Variants in NSUN3 observed in about 807,000 individuals in gnomAD.
NSUN3 encodes NOP2/Sun RNA methyltransferase 3, also known as tRNA (cytosine(34)-C(5))-methyltransferase, mitochondrial.
In NSUN3, 24 loss-of-function variants were observed where a neutral mutation model predicts 36.8. The ratio of observed to expected loss-of-function variants is 0.65; its 90% CI spans 0.47 to 0.92. The LOEUF (loss-of-function observed/expected upper bound fraction) is 0.92. NSUN3 is among the 40% of genes least tolerant of loss of function. NSUN3 has a pLI of 0.00. For missense variants in NSUN3, 381 were observed against 392.8 expected (o/e 0.97, Z 0.25); for synonymous variants, 146 against 145.2 (o/e 1.01, Z -0.04).
intron 5 of NSUN3, among the ~76,000 whole-genome samples, chr3:94,101,283 T>G (rs1004190778): frequency 1.3e-5 from 2 of 152,174 alleles, no homozygotes; most frequent in Non-Finnish European, 2.9e-5. Flanking sequence ...CGAGCCACTG[T>G]GCCCAGCACT....
intron 5 of NSUN3, 75 bp downstream of exon 5, chr3:94,095,229 C>T (rs751914831): frequency 2.8e-6 from 4 of 1,448,630 alleles, no homozygotes; most frequent in Non-Finnish European, 2.9e-6. Context: ...CATGTCAGGC[C>T]CCCAGTGGAG....
intron 5 of NSUN3, among the ~76,000 whole-genome samples, chr3:94,105,381 C>T (rs1032267488): frequency 6.6e-6 from 1 of 152,176 alleles, no homozygotes; most frequent in African/African-American, 2.4e-5. Flanking sequence ...CTGCCACTCA[C>T]TACAGGAATT....
At chr3:94,098,860 A>G (rs1054698383) in intron 5 of NSUN3, among the ~76,000 whole-genome samples, 2 of 152,028 alleles carry the variant, frequency 1.3e-5, no homozygotes, top group African/African-American at 2.4e-5. Flanking sequence ...TATTGTCCTC[A>G]TGTCCTTACC....
intron 5 of NSUN3, among the ~76,000 whole-genome samples, chr3:94,125,707 A>G (rs1234632118): frequency 3.3e-5 from 5 of 152,086 alleles, no homozygotes; most frequent in African/African-American, 1.2e-4. Flanking sequence ...TATCTTTTCC[A>G]TGTTGATTGG....
chr3:94,103,816 A>G (rs577989324), intron 5 of NSUN3, among the ~76,000 whole-genome samples: 39 of 152,352 alleles, frequency 2.6e-4, no homozygotes, highest in African/African-American at 9.1e-4. Flanking sequence ...TAAAAGATCA[A>G]CTTTTTAAAG....
chr3:94,100,999 AT>A (rs2077363684), intron 5 of NSUN3, among the ~76,000 whole-genome samples: 1 of 151,922 alleles, frequency 6.6e-6, no homozygotes, highest in Non-Finnish European at 1.5e-5. Flanking sequence ...ATTTAAAAAA[AT>A]ATTTTAGAGA....
At chr3:94,076,075 A>G in intron 2 of NSUN3, 1 of 1,573,094 alleles carries the variant, frequency 6.4e-7, no homozygotes, top group Non-Finnish European at 8.7e-7. Flanking sequence ...TGTGACCACC[A>G]TGAATAAACA....
intron 5 of NSUN3, among the ~76,000 whole-genome samples, chr3:94,115,641 GGAAAATCACTCTCGTT>G (rs1281520143): frequency 6.6e-6 from 1 of 152,036 alleles, no homozygotes; most frequent in Non-Finnish European, 1.5e-5. Flanking sequence ...AATGAAAGAG[GGAAAATCACTCTCGTT>G]TCGGTCAAAA....
chr3:94,094,235 AAAG>A lies in NSUN3; in HGVS notation c.563_565del (p.Lys188_Val189delinsMet). The A allele has an allele frequency of 4.3e-6, 7 of 1,613,748 alleles. No individual in the cohort carries two copies. Among genetic ancestry groups the A allele is most frequent in the Non-Finnish European group, 5.9e-6 (7 of 1,179,782 alleles). ...CCCACAGCCTTTGATAAATGTAATT[AAAG>A]TGTCTGAATTGGATGGCAGAAAAAT... On this transcript the variant is annotated inframe_deletion, in exon 4 of 6. Transcript: ENST00000314622.
intron 5 of NSUN3, among the ~76,000 whole-genome samples, chr3:94,108,884 C>T (rs1337192176): frequency 1.3e-5 from 2 of 152,108 alleles, no homozygotes; most frequent in African/African-American, 2.4e-5. Context: ...AGGCTGGTCT[C>T]GAACTCCTGA....
intron 5 of NSUN3, among the ~76,000 whole-genome samples, chr3:94,119,159 T>G (rs2077451918): frequency 6.6e-6 from 1 of 152,168 alleles, no homozygotes; most frequent in South Asian, 2.1e-4. Flanking sequence ...CCTGTATATT[T>G]AGGTACTTAG....
rs2077195011 is a variant in NSUN3, at chr3:94,064,484, T to G, written c.60T>G (p.Val20=). 7 of 1,614,006 alleles carry G rather than the reference T, an allele frequency of 4.3e-6. No individual in the cohort carries two copies. The highest frequency in any genetic ancestry group is 3.4e-6 in the Non-Finnish European group (4 of 1,179,928). ...EGKLAKQICK[V]VLDHFEKQYS... is the part of the protein sequence containing the mutation. ...AGCTTGCAAAACAGATTTGCAAAGT[T>G]GTGTTGGATCATTTTGAAAAACAGT... is the stretch of plus-strand genomic sequence containing the variant. Residue 20 remains valine, a synonymous_variant, in exon 2 of 6, where the codon GTT becomes GTG. Transcript: ENST00000314622.
chr3:94,100,864 A>G (rs1285962141), intron 5 of NSUN3, among the ~76,000 whole-genome samples: 1 of 152,180 alleles, frequency 6.6e-6, no homozygotes, highest in Non-Finnish European at 1.5e-5. Context: ...CAGAATTTCA[A>G]CTTTTGGAAA....
At chr3:94,110,811 CAT>C (rs1250683344) in intron 5 of NSUN3, among the ~76,000 whole-genome samples, 42 of 150,102 alleles carry the variant, frequency 2.8e-4, no homozygotes, top group Non-Finnish European at 3.0e-4. Context: ...CACATATATA[CAT>C]ATATGTGTGT....
At chr3:94,071,618 G>A (rs954567809) in intron 2 of NSUN3, among the ~76,000 whole-genome samples, 2 of 151,820 alleles carry the variant, frequency 1.3e-5, no homozygotes, top group South Asian at 2.1e-4. Flanking sequence ...CTTAAAATGT[G>A]TTTTTTTTCA....
intron 5 of NSUN3, among the ~76,000 whole-genome samples, chr3:94,104,939 A>C (rs2077382483): frequency 6.6e-6 from 1 of 152,228 alleles, no homozygotes; most frequent in South Asian, 2.1e-4. Flanking sequence ...ACGGATGTTA[A>C]CAAGAGTTTA....
At chr3:94,083,739 A>G (rs1239988915) in intron 2 of NSUN3, among the ~76,000 whole-genome samples, 2 of 152,160 alleles carry the variant, frequency 1.3e-5, no homozygotes, top group Non-Finnish European at 2.9e-5. Flanking sequence ...GGCATGATGG[A>G]AAGTTAGGGT....
Position 94,128,268 on chromosome 3 carries a change from C to A in NSUN3, c.*1778C>A, listed in dbSNP as rs1038885585. On this transcript the variant is annotated 3_prime_UTR_variant, in exon 6 of 6. Transcript: ENST00000314622. ...GTAATTAAATAAAAATAAAGTAACG[C>A]TAGAACTGTTGGACCAAATCAAGTA... is the stretch of plus-strand genomic sequence containing the variant. 2.0e-5 allele frequency: 3 copies of A among 151,734 alleles called. No homozygotes were observed. Among genetic ancestry groups the A allele is most frequent in the African/African-American group, 7.3e-5 (3 of 41,318 alleles). 9.4% of individuals were successfully genotyped at this position (151,734 alleles called of 1,614,324 possible). A position where few individuals can be genotyped will look rare whatever the true frequency, so the allele number is the denominator to read the frequency against.
chr3:94,103,188 A>G (rs1227214630), intron 5 of NSUN3, among the ~76,000 whole-genome samples: 1 of 152,040 alleles, frequency 6.6e-6, no homozygotes, highest in Non-Finnish European at 1.5e-5. Context: ...TGCCTGGCCT[A>G]ACATTACCTA....
Sources: allele counts gnomAD v4.1 joint callset (sites outside exome capture counted in the v4.1 genomes callset), GRCh38; gene constraint gnomAD v4.1.1; transcripts MANE v1.5; gene names NCBI Gene and HGNC (gene_info 2026-07-23, HGNC 2026-07-21).